The following CNTNAP2 variants were observed in gnomAD, a reference collection of about 807,000 sequenced individuals.
The protein encoded by CNTNAP2 is contactin associated protein 2.
A neutral mutation model predicts 155.2 loss-of-function variants in CNTNAP2; 98 were observed. That is an observed-to-expected ratio of 0.63 (90% CI 0.54 to 0.75). The LOEUF is 0.75. Ranked by LOEUF, CNTNAP2 falls within the 30% of genes least tolerant of loss-of-function variation. The pLI is 0.00. For synonymous variants in CNTNAP2, 651 were observed against 631.2 expected (o/e 1.03, Z -0.47); for missense variants, 1,727 against 1,688.1 (o/e 1.02, Z -0.40).
At chr7:147,949,458 AT>A (rs199529235) in intron 14 of CNTNAP2, among the ~76,000 whole-genome samples, 157 of 137,374 alleles carry the variant, frequency 1.1e-3, no homozygotes, top group East Asian at 8.5e-3. Context: ...ATATATATAT[AT>A]TTTTTTTTTT....
At chr7:147,287,571 G>C (rs1805208450) in intron 8 of CNTNAP2, among the ~76,000 whole-genome samples, 1 of 151,970 alleles carries the variant, frequency 6.6e-6, no homozygotes, top group Non-Finnish European at 1.5e-5. Flanking sequence ...TCTTTTCTGT[G>C]TCAAGTCTCT....
chr7:147,910,682 G>A (rs1800047231), intron 14 of CNTNAP2, among the ~76,000 whole-genome samples: 1 of 152,160 alleles, frequency 6.6e-6, no homozygotes, highest in African/African-American at 2.4e-5. Context: ...ATGGCTGCAG[G>A]CAAGAGAACT....
intron 8 of CNTNAP2, among the ~76,000 whole-genome samples, chr7:147,227,398 A>G (rs1803572219): frequency 6.6e-6 from 1 of 152,200 alleles, no homozygotes. Flanking sequence ...GAAGAAGTGA[A>G]ATGATCTGAC....
intron 1 of CNTNAP2, among the ~76,000 whole-genome samples, chr7:146,152,355 C>T (rs183067591): frequency 3.0e-4 from 46 of 151,870 alleles, no homozygotes; most frequent in African/African-American, 1.0e-3. Context: ...TGTTTACAGG[C>T]GAGGGATGGT....
At chr7:146,449,128 G>A (rs2129121853) in intron 1 of CNTNAP2, among the ~76,000 whole-genome samples, 1 of 152,080 alleles carries the variant, frequency 6.6e-6, no homozygotes, top group East Asian at 1.9e-4. Context: ...ATCCTATTGA[G>A]TTTTTTATTT....
Position 147,482,720 on chromosome 7 carries a change from C to CAATAAATA in CNTNAP2, c.1671-3181_1671-3174dup, listed in dbSNP as rs71527814. Among the ~76,000 whole-genome samples the CAATAAATA allele has an allele frequency of 8.5e-3, 1,179 of 138,294 alleles. 12 individuals are homozygous for CAATAAATA. Among genetic ancestry groups the CAATAAATA allele is most frequent in the African/African-American group, 0.019 (702 of 36,524 alleles). The allele number at this position is 138,294 out of a possible 152,430, so 90.7% of individuals were successfully genotyped here. Reference sequence around the variant, plus strand: ...TGGGCGACTGAGCGAGATTCCGTCTCAATAAATAAATAAATAAATAAATAA... The same window carrying CAATAAATA: ...TGGGCGACTGAGCGAGATTCCGTCTCAATAAATAAATAAATAAATAAATAAATAAATAA... On this transcript the variant is annotated intron_variant, in intron 10 of 23. Coordinates refer to ENST00000361727, the MANE Select transcript of CNTNAP2 (RefSeq NM_014141.6).
At chr7:147,002,615 A>G (rs1798445092) in intron 3 of CNTNAP2, among the ~76,000 whole-genome samples, 1 of 152,038 alleles carries the variant, frequency 6.6e-6, no homozygotes, top group Admixed American at 6.6e-5. Flanking sequence ...AAAATACCAT[A>G]AACTATCAAT....
At chr7:147,735,591 C>CT (rs200963410) in intron 13 of CNTNAP2, among the ~76,000 whole-genome samples, 29,126 of 151,994 alleles carry the variant, frequency 0.19, 3,209 homozygotes, top group Middle Eastern at 0.38. Flanking sequence ...AACTTTCTGT[C>CT]TTGTTGATCT....
intron 1 of CNTNAP2, among the ~76,000 whole-genome samples, chr7:146,406,214 C>G (rs1028220333): frequency 9.9e-5 from 15 of 152,200 alleles, no homozygotes; most frequent in Non-Finnish European, 2.9e-5. Context: ...AATCTCCTGA[C>G]TCTTCATAAA....
At chr7:147,998,358 A>G (rs62471147) in intron 15 of CNTNAP2, among the ~76,000 whole-genome samples, 1 of 151,762 alleles carries the variant, frequency 6.6e-6, no homozygotes, top group African/African-American at 2.4e-5. Context: ...TGATCCGCCC[A>G]CCTTGGCCTC....
intron 15 of CNTNAP2, among the ~76,000 whole-genome samples, chr7:148,015,296 G>T (rs1585078604): frequency 6.6e-6 from 1 of 152,114 alleles, no homozygotes; most frequent in East Asian, 1.9e-4. Context: ...ATGTGTAAGG[G>T]CTGATGTCCT....
chr7:147,234,783 T>C (rs1803763323), intron 8 of CNTNAP2, among the ~76,000 whole-genome samples: 2 of 152,188 alleles, frequency 1.3e-5, no homozygotes, highest in Non-Finnish European at 2.9e-5. Flanking sequence ...GCCGTTTGTT[T>C]TGCAGACTTG....
At chr7:147,396,182 C>CATATATATATATATATATATAGCAT (rs58129350) in intron 10 of CNTNAP2, among the ~76,000 whole-genome samples, 1 of 145,450 alleles carries the variant, frequency 6.9e-6, no homozygotes, top group Non-Finnish European at 1.5e-5. Context: ...ATATATATAG[C>CATATATATATATATATATATAGCAT]ATATATATAT....
intron 10 of CNTNAP2, among the ~76,000 whole-genome samples, chr7:147,436,015 A>T (rs1797542078): frequency 6.6e-6 from 1 of 152,162 alleles, no homozygotes; most frequent in Non-Finnish European, 1.5e-5. Context: ...TCATGTGACC[A>T]TTCAAATATC....
chr7:147,399,174 T>G (rs1796872032), intron 10 of CNTNAP2, among the ~76,000 whole-genome samples: 1 of 152,054 alleles, frequency 6.6e-6, no homozygotes, highest in African/African-American at 2.4e-5. Context: ...GTTGAAGGAA[T>G]AGACGCCAGA....
intron 18 of CNTNAP2, among the ~76,000 whole-genome samples, chr7:148,210,564 T>A (rs988303921): frequency 6.6e-6 from 1 of 152,252 alleles, no homozygotes; most frequent in East Asian, 1.9e-4. Flanking sequence ...ACTTCACACT[T>A]GTGTCTTGTG....
At chr7:148,359,297 A>G (rs1000070202) in intron 21 of CNTNAP2, among the ~76,000 whole-genome samples, 3 of 152,274 alleles carry the variant, frequency 2.0e-5, no homozygotes, top group Admixed American at 6.5e-5. Flanking sequence ...TATCCCCATC[A>G]CTAAGCAACA....
At chr7:147,415,419 T>C (rs1584935627) in intron 10 of CNTNAP2, among the ~76,000 whole-genome samples, 1 of 152,304 alleles carries the variant, frequency 6.6e-6, no homozygotes, top group South Asian at 2.1e-4. Context: ...AATTGAATCA[T>C]GGGCATGGTT....
At chr7:146,650,543 C>T (rs953511563) in intron 1 of CNTNAP2, among the ~76,000 whole-genome samples, 13 of 150,792 alleles carry the variant, frequency 8.6e-5, no homozygotes, top group Non-Finnish European at 1.2e-4. Context: ...GGGCCTGTTG[C>T]GGGGTGGGGG....
Sources: gnomAD v4.1 joint callset for allele counts (sites outside exome capture counted in the v4.1 genomes callset) on GRCh38, gnomAD v4.1.1 for gene constraint, MANE v1.5 for transcripts, NCBI Gene and HGNC (gene_info 2026-07-23, HGNC 2026-07-21) for gene names.